ELOVL5: variants seen among roughly 807,000 people sequenced by gnomAD.
ELOVL5 encodes the protein very long chain fatty acid elongase 5.
ELOVL5 carries 8 observed loss-of-function variants against 38.6 expected under a neutral mutation model. The ratio of observed to expected loss-of-function variants is 0.21; its 90% CI spans 0.12 to 0.37. ELOVL5 has a LOEUF of 0.37. ELOVL5 is among the 10% of genes least tolerant of loss of function. The pLI, the probability that ELOVL5 is intolerant of heterozygous loss-of-function variation, is 1.00. For synonymous variants in ELOVL5, 127 were observed against 133.7 expected, an observed-to-expected ratio of 0.95 and a Z score of 0.34; for missense variants, 280 against 367.8, an observed-to-expected ratio of 0.76 and a Z score of 1.95.
At chr6:53,277,697 A>G (rs1294170296) in intron 3 of ELOVL5, 3 of 152,232 alleles carry the variant, frequency 2.0e-5, no homozygotes, top group South Asian at 4.1e-4. Flanking sequence ...ACTACTCTCT[A>G]AAGTCATGGC....
At chr6:53,272,536 G>A (rs538963224) in intron 6 of ELOVL5, among the ~76,000 whole-genome samples, 1 of 152,218 alleles carries the variant, frequency 6.6e-6, no homozygotes, top group Non-Finnish European at 1.5e-5. Context: ...GGAAATGTCA[G>A]TGTTTAATAT....
At chr6:53,338,281 T>C (rs1005899490) in intron 1 of ELOVL5, among the ~76,000 whole-genome samples, 1 of 152,204 alleles carries the variant, frequency 6.6e-6, no homozygotes, top group African/African-American at 2.4e-5. Flanking sequence ...GAAAAGTACT[T>C]ACCTTACTGT....
chr6:53,305,779 G>A (rs1005015833), intron 1 of ELOVL5, among the ~76,000 whole-genome samples: 2 of 151,902 alleles, frequency 1.3e-5, no homozygotes, highest in South Asian at 2.1e-4. Flanking sequence ...AGGCAGAGAC[G>A]CTCCTCACTT....
intron 2 of ELOVL5, chr6:53,294,478 A>G (rs1235775956): frequency 1.3e-6 from 2 of 1,549,202 alleles, no homozygotes; most frequent in Admixed American, 2.0e-5. Context: ...TTCTGAGGAC[A>G]GAGCTGCTGA....
intron 1 of ELOVL5, among the ~76,000 whole-genome samples, chr6:53,325,037 C>T (rs1768480707): frequency 6.6e-6 from 1 of 152,148 alleles, no homozygotes; most frequent in African/African-American, 2.4e-5. Flanking sequence ...TAGACCGAAA[C>T]AAGGTAGAAA....
intron 1 of ELOVL5, among the ~76,000 whole-genome samples, chr6:53,341,182 T>C (rs145601462): frequency 6.6e-6 from 1 of 152,350 alleles, no homozygotes; most frequent in East Asian, 1.9e-4. Context: ...TAAGGAGTAA[T>C]GGAAGAAACA....
At chr6:53,333,527 A>G (rs1220205403) in intron 1 of ELOVL5, among the ~76,000 whole-genome samples, 1 of 152,140 alleles carries the variant, frequency 6.6e-6, no homozygotes, top group Non-Finnish European at 1.5e-5. Context: ...ATCGTGCTGC[A>G]CTCAGTTTAT....
chr6:53,301,904 T>C (rs1229057345), intron 1 of ELOVL5, among the ~76,000 whole-genome samples: 2 of 152,146 alleles, frequency 1.3e-5, no homozygotes, highest in Non-Finnish European at 2.9e-5. Context: ...CTGACCATTC[T>C]CTTTATAAAC....
At position 53,338,957 on chromosome 6, in the gene ELOVL5, C is replaced by T. The variant is rs147929444; in HGVS notation, c.-9+9860G>A. 1.2e-3 allele frequency among the ~76,000 whole-genome samples: 182 copies of T among 152,232 alleles called. 2 individuals carry two copies. The highest frequency in any genetic ancestry group is 6.9e-3 in the Admixed American group (106 of 15,290). Reference sequence around the variant, plus strand: ...AAGATTAGTTATGCAACCCCCCAAACGAAAATGTCTTAAAAGATTTTAATT... The same window carrying T: ...AAGATTAGTTATGCAACCCCCCAAATGAAAATGTCTTAAAAGATTTTAATT... On this transcript the variant is annotated intron_variant, in intron 1 of 7. Coordinates refer to ENST00000304434, the MANE Select transcript of ELOVL5 (RefSeq NM_021814.5).
intron 1 of ELOVL5, among the ~76,000 whole-genome samples, chr6:53,341,010 G>A (rs209514): frequency 0.92 from 140,127 of 152,230 alleles, 64,822 homozygotes; most frequent in African/African-American, 0.98. Context: ...GATGCCCTTG[G>A]CCAGTCATAC....
At chr6:53,281,691 A>C (rs892155375) in intron 3 of ELOVL5, among the ~76,000 whole-genome samples, 1 of 152,182 alleles carries the variant, frequency 6.6e-6, no homozygotes, top group African/African-American at 2.4e-5. Context: ...TCTAGGGTTT[A>C]GTTGGCCAAT....
intron 3 of ELOVL5, among the ~76,000 whole-genome samples, chr6:53,285,380 G>C (rs72938775): frequency 6.6e-6 from 1 of 152,302 alleles, no homozygotes; most frequent in Non-Finnish European, 1.5e-5. Flanking sequence ...TGTGAAGCCT[G>C]GGAGAGGTGA....
At chr6:53,281,956 C>G (rs571608411) in intron 3 of ELOVL5, among the ~76,000 whole-genome samples, 1 of 152,280 alleles carries the variant, frequency 6.6e-6, no homozygotes. Context: ...AAGAAACAGC[C>G]TGTCCTCAAT....
At chr6:53,343,719 C>G (rs937628655) in intron 1 of ELOVL5, among the ~76,000 whole-genome samples, 3 of 152,230 alleles carry the variant, frequency 2.0e-5, no homozygotes, top group African/African-American at 7.2e-5. Flanking sequence ...AGATTCTATA[C>G]AAGAATGAGG....
rs138583123 is a variant in ELOVL5, at chr6:53,301,184, A to G, written c.-8-5477T>C. 7.2e-5 allele frequency among the ~76,000 whole-genome samples: 11 copies of G among 152,294 alleles called. No individual in the cohort carries two copies. The East Asian group carries it at 1.5e-3, about 21-fold the overall frequency. ...TGACCTACTTTGCACAAGATGCCCA[A>G]TCACACTGCCAGGTCTGTGGTTGGC... On this transcript the variant is annotated intron_variant, in intron 1 of 7. Transcript: ENST00000304434.
At chr6:53,321,844 G>C (rs1768315565) in intron 1 of ELOVL5, among the ~76,000 whole-genome samples, 1 of 152,226 alleles carries the variant, frequency 6.6e-6, no homozygotes, top group South Asian at 2.1e-4. Context: ...AGAGAAAAGT[G>C]AAATGGCAAA....
intron 1 of ELOVL5, among the ~76,000 whole-genome samples, chr6:53,320,538 T>C (rs938062002): frequency 3.9e-5 from 6 of 151,940 alleles, no homozygotes; most frequent in Non-Finnish European, 8.8e-5. Context: ...GGTTTCACCA[T>C]GGTCTCGATC....
At chr6:53,314,835 A>G (rs185537777) in intron 1 of ELOVL5, among the ~76,000 whole-genome samples, 39 of 152,372 alleles carry the variant, frequency 2.6e-4, no homozygotes, top group Admixed American at 4.6e-4. Context: ...AATAGTACAT[A>G]ATATCCTACT....
At chr6:53,331,480 C>A (rs1768799733) in intron 1 of ELOVL5, among the ~76,000 whole-genome samples, 1 of 152,146 alleles carries the variant, frequency 6.6e-6, no homozygotes, top group South Asian at 2.1e-4. Context: ...TAGGTTTACA[C>A]CAACATCTCC....
Sources: gnomAD v4.1 joint callset for allele counts (sites outside exome capture counted in the v4.1 genomes callset) on GRCh38, gnomAD v4.1.1 for gene constraint, MANE v1.5 for transcripts, NCBI Gene and HGNC (gene_info 2026-07-23, HGNC 2026-07-21) for gene names.